Variants in RFTN1 observed in about 807,000 individuals in gnomAD.
The protein encoded by RFTN1 is raftlin.
A neutral mutation model predicts 46.5 loss-of-function variants in RFTN1; 26 were observed. The observed-to-expected ratio is 0.56, with a 90% confidence interval of 0.41 to 0.78. The LOEUF is 0.78. RFTN1 is among the 30% of genes least tolerant of loss of function. The probability of loss-of-function intolerance (pLI) is 0.00; values close to 1 mark genes in which losing one functional copy is unlikely to be tolerated. For synonymous variants in RFTN1, 261 were observed against 284.2 expected, an observed-to-expected ratio of 0.92 and a Z score of 0.82; for missense variants, 693 against 718.7, an observed-to-expected ratio of 0.96 and a Z score of 0.41.
intron 4 of RFTN1, among the ~76,000 whole-genome samples, chr3:16,404,296 A>ATT (rs2074777047): frequency 3.9e-5 from 1 of 25,652 alleles, no homozygotes; most frequent in Non-Finnish European, 6.2e-5. Flanking sequence ...TATAATATAT[A>ATT]TAATATGTAA....
chr3:16,359,047 A>AG (rs1559856792), intron 6 of RFTN1, among the ~76,000 whole-genome samples: 1 of 151,122 alleles, frequency 6.6e-6, no homozygotes, highest in East Asian at 1.9e-4. Flanking sequence ...AAAAAAAAAA[A>AG]AAAAAGAAAT....
chr3:16,496,555 C>T (rs1357484988), intron 1 of RFTN1, among the ~76,000 whole-genome samples: 1 of 152,186 alleles, frequency 6.6e-6, no homozygotes, highest in East Asian at 1.9e-4. Context: ...ACCAGAATAG[C>T]TCGACATTTT....
Position 16,480,853 on chromosome 3 carries a change from T to G in RFTN1, c.145+12872A>C, listed in dbSNP as rs1453989077. 6.6e-6 allele frequency among the ~76,000 whole-genome samples: 1 copy of G among 152,224 alleles called. No homozygotes were observed. Among genetic ancestry groups the G allele is most frequent in the Non-Finnish European group, 1.5e-5 (1 of 68,038 alleles). ...TATTACCACTACCTCAAGGCTGCTT[T>G]TATGAATCCCTGCAGAAAAATAATT... On this transcript the variant is annotated intron_variant, in intron 2 of 9. Coordinates refer to ENST00000334133, the MANE Select transcript of RFTN1 (RefSeq NM_015150.2). The surrounding 1 kb of genome is among the most constrained non-coding windows in gnomAD (Gnocchi z 4.3).
intron 7 of RFTN1, among the ~76,000 whole-genome samples, chr3:16,331,466 A>G (rs1204514448): frequency 6.6e-6 from 1 of 152,248 alleles, no homozygotes; most frequent in Non-Finnish European, 1.5e-5. Flanking sequence ...ATGCTGGGTC[A>G]AATAATGCAC....
chr3:16,506,338 G>A lies in RFTN1; in HGVS notation c.-9+7104C>T, dbSNP rs546412969. Among the ~76,000 whole-genome samples the A allele has an allele frequency of 3.3e-5, 5 of 152,264 alleles. No homozygotes were observed. The highest frequency in any genetic ancestry group is 7.4e-5 in the Non-Finnish European group (5 of 68,018). On this transcript the variant is annotated intron_variant, in intron 1 of 9. Coordinates refer to ENST00000334133, the MANE Select transcript of RFTN1 (RefSeq NM_015150.2). This position sits in a 1 kb window ranked among gnomAD's most constrained non-coding sequence, Gnocchi z 4.8. ...TCAAACAGGGCTGGGGAGACAGAGC[G>A]TAGGCCTGGCCGGGCCGTGAGCACT...
rs2075643868 is a variant in RFTN1 at position 16,442,372 on chromosome 3, T to C, written c.146-8335A>G. 1.3e-5 allele frequency among the ~76,000 whole-genome samples: 2 copies of C among 152,064 alleles called. No individual in the cohort carries two copies. The highest frequency in any genetic ancestry group is 1.3e-4 in the Admixed American group (2 of 15,268). On this transcript the variant is annotated intron_variant, in intron 2 of 9. Transcript: ENST00000334133. This position sits in a 1 kb window ranked among gnomAD's most constrained non-coding sequence, Gnocchi z 4.1. ...TCCATGTCCATTAAGCAGTTACTCT[T>C]CCCATTCCCCTCTCTCCCCGAGCCC...
chr3:16,395,649 A>G (rs1559320639), intron 4 of RFTN1, among the ~76,000 whole-genome samples: 1 of 152,164 alleles, frequency 6.6e-6, no homozygotes, highest in Non-Finnish European at 1.5e-5. Context: ...GGGTCTTGCT[A>G]TGTTGCCCAG....
chr3:16,509,893 G>C lies in RFTN1; in HGVS notation c.-9+3549C>G, dbSNP rs140594446. Among the ~76,000 whole-genome samples the C allele has an allele frequency of 3.2e-4, 48 of 152,330 alleles. No individual in the cohort carries two copies. Among genetic ancestry groups the C allele is most frequent in the African/African-American group, 1.1e-3 (45 of 41,576 alleles). ...CAGTGCAATGTCTCAAGACTGAGCT[G>C]TCTGCCATCTGACTCCTGCAAAGCT... On this transcript the variant is annotated intron_variant, in intron 1 of 9. Transcript: ENST00000334133. The surrounding 1 kb of genome is among the most constrained non-coding windows in gnomAD (Gnocchi z 4.9).
rs79915521 is a variant in RFTN1 at position 16,353,759 on chromosome 3, C to G, written c.1146+4173G>C. ...CCAGAGTAGCCCCCTCCCACCTGTG[C>G]GTGCTCAGAGGCAAGGGCATATGAG... On this transcript the variant is annotated intron_variant, in intron 7 of 9. Coordinates refer to ENST00000334133, the MANE Select transcript of RFTN1 (RefSeq NM_015150.2). The surrounding 1 kb of genome is among the most constrained non-coding windows in gnomAD (Gnocchi z 5.4). Among the ~76,000 whole-genome samples the G allele has an allele frequency of 0.03, 4,603 of 152,188 alleles. 102 individuals are homozygous for G. The highest frequency in any genetic ancestry group is 0.082 in the Middle Eastern group (24 of 292).
At chr3:16,420,627 TGTTCTATATCTGTACA>T (rs1380835914) in intron 3 of RFTN1, among the ~76,000 whole-genome samples, 1 of 152,232 alleles carries the variant, frequency 6.6e-6, no homozygotes, top group African/African-American at 2.4e-5. Flanking sequence ...GTGATAGAAA[TGTTCTATATCTGTACA>T]GTCCAGTAAA....
chr3:16,498,313 A>G lies in RFTN1; in HGVS notation c.-8-4436T>C, dbSNP rs1294444098. On this transcript the variant is annotated intron_variant, in intron 1 of 9. Transcript: ENST00000334133. The surrounding 1 kb of genome is among the most constrained non-coding windows in gnomAD (Gnocchi z 5.2). Reference sequence around the variant, plus strand: ...ACAGCAGCAGAATGCAGTCAATCACAGGCAGTGAATTAATGTAACCAAGCC... The same window carrying G: ...ACAGCAGCAGAATGCAGTCAATCACGGGCAGTGAATTAATGTAACCAAGCC... Among the ~76,000 whole-genome samples, 1 of 152,182 alleles carries G rather than the reference A, an allele frequency of 6.6e-6. No individual in the cohort carries two copies. Among genetic ancestry groups the G allele is most frequent in the East Asian group, 1.9e-4 (1 of 5,196 alleles).
In RFTN1 at chr3:16,506,225, G is replaced by C. The variant is rs367939210; in HGVS notation, c.-9+7217C>G. On this transcript the variant is annotated intron_variant, in intron 1 of 9. Coordinates refer to ENST00000334133, the MANE Select transcript of RFTN1 (RefSeq NM_015150.2). This position sits in a 1 kb window ranked among gnomAD's most constrained non-coding sequence, Gnocchi z 4.8. Reference sequence around the variant, plus strand: ...GCCACAGAGCGAGCCATGGGATAAGGGGGAGGGTGGGCTAGGCAAGGCAGT... The same window carrying C: ...GCCACAGAGCGAGCCATGGGATAAGCGGGAGGGTGGGCTAGGCAAGGCAGT... Among the ~76,000 whole-genome samples, 3 of 152,140 alleles carry C rather than the reference G, an allele frequency of 2.0e-5. No homozygotes were observed. In the East Asian group the frequency reaches 5.8e-4, roughly 29 times the overall value.
chr3:16,433,942 C>A lies in RFTN1; in HGVS notation c.241G>T (p.Ala81Ser). Reference protein sequence around the residue: ...ELYQQGFSLAALHPFVQPTHE... With the variant: ...ELYQQGFSLASLHPFVQPTHE... ...GTGGGCTGCACGAAGGGGTGCAGGG[C>A]CGCCAGCGAGAAGCCCTGCTGGTAC... The change falls in exon 3 of 10, where the codon GCC becomes TCC. Residue 81 changes from alanine to serine, a missense_variant. Ala to Ser is a moderately conservative substitution (Grantham distance 99). Coordinates refer to ENST00000334133, the MANE Select transcript of RFTN1 (RefSeq NM_015150.2). The surrounding 1 kb of genome is among the most constrained non-coding windows in gnomAD (Gnocchi z 4.4). 2 of 1,614,148 alleles carry A rather than the reference C, an allele frequency of 1.2e-6. No individual in the cohort carries two copies. The highest frequency in any genetic ancestry group is 1.7e-6 in the Non-Finnish European group (2 of 1,180,026).
rs115740839 is a variant in RFTN1, at chr3:16,344,607, C to G, written c.1146+13325G>C. On this transcript the variant is annotated intron_variant, in intron 7 of 9. Coordinates refer to ENST00000334133, the MANE Select transcript of RFTN1 (RefSeq NM_015150.2). The surrounding 1 kb of genome is among the most constrained non-coding windows in gnomAD (Gnocchi z 4.4). ...TCTGTGGCCTCCCAGAATCAGGTCTCTTCAGGTCCACCACCTTCTAGATCA... is the reference window on the plus strand; with the variant it reads ...TCTGTGGCCTCCCAGAATCAGGTCTGTTCAGGTCCACCACCTTCTAGATCA... Among the ~76,000 whole-genome samples the G allele has an allele frequency of 8.1e-4, 123 of 152,244 alleles. 1 individual carries two copies. Among genetic ancestry groups the G allele is most frequent in the African/African-American group, 2.8e-3 (117 of 41,542 alleles).
intron 4 of RFTN1, among the ~76,000 whole-genome samples, chr3:16,405,544 CATG>C (rs2125440723): frequency 6.6e-6 from 1 of 152,284 alleles, no homozygotes; most frequent in African/African-American, 2.4e-5. Flanking sequence ...TCTGAAAAGT[CATG>C]ATGGAGAGAG....
At position 16,387,619 on chromosome 3, in the gene RFTN1, C is replaced by T. The variant is rs2074231899; in HGVS notation, c.442-9517G>A. ...CTCTCTCTCTCTCTCTCTACTGGCT[C>T]CTTCCACTCAGCATACAACTAAATT... On this transcript the variant is annotated intron_variant, in intron 4 of 9. Coordinates refer to ENST00000334133, the MANE Select transcript of RFTN1 (RefSeq NM_015150.2). The surrounding 1 kb of genome is among the most constrained non-coding windows in gnomAD (Gnocchi z 5.2). Among the ~76,000 whole-genome samples, 1 of 101,000 alleles carries T rather than the reference C, an allele frequency of 9.9e-6. No individual in the cohort carries two copies. The highest frequency in any genetic ancestry group is 4.5e-5 in the African/African-American group (1 of 22,096). The allele number at this position is 101,000 out of a possible 152,430, so 66.3% of individuals were successfully genotyped here. A position where few individuals can be genotyped will look rare whatever the true frequency, so the allele number is the denominator to read the frequency against.
At chr3:16,469,031 C>G (rs1050494427) in intron 2 of RFTN1, among the ~76,000 whole-genome samples, 1 of 152,244 alleles carries the variant, frequency 6.6e-6, no homozygotes, top group Non-Finnish European at 1.5e-5. Context: ...CACTAACAAT[C>G]CTTGAGTTCC....
At chr3:16,508,696 G>GCGCA (rs2076850492) in intron 1 of RFTN1, among the ~76,000 whole-genome samples, 1 of 65,746 alleles carries the variant, frequency 1.5e-5, no homozygotes, top group East Asian at 7.3e-4. Flanking sequence ...TCACACGCAC[G>GCGCA]CACACACACA....
chr3:16,480,215 T>C lies in RFTN1; in HGVS notation c.145+13510A>G, dbSNP rs559285696. On this transcript the variant is annotated intron_variant, in intron 2 of 9. Coordinates refer to ENST00000334133, the MANE Select transcript of RFTN1 (RefSeq NM_015150.2). The surrounding 1 kb of genome is among the most constrained non-coding windows in gnomAD (Gnocchi z 4.3). Reference sequence around the variant, plus strand: ...GCCAGCTCCCTTGGGAATATATTATTATACCTATCTTGTGTCAAAGCAACA... The same window carrying C: ...GCCAGCTCCCTTGGGAATATATTATCATACCTATCTTGTGTCAAAGCAACA... Among the ~76,000 whole-genome samples the C allele has an allele frequency of 6.6e-6, 1 of 152,366 alleles. No homozygotes were observed. The highest frequency in any genetic ancestry group is 2.1e-4 in the South Asian group (1 of 4,832).
Sources: gnomAD v4.1 joint callset for allele counts (sites outside exome capture counted in the v4.1 genomes callset) on GRCh38, gnomAD v4.1.1 for gene constraint, Gnocchi (gnomAD v3.1) non-coding constraint, MANE v1.5 for transcripts, NCBI Gene and HGNC (gene_info 2026-07-23, HGNC 2026-07-21) for gene names.